Variants in NALF1 observed in about 807,000 individuals in gnomAD.
NALF1 encodes the protein NALCN channel auxiliary factor 1.
NALF1 carries 3 observed loss-of-function variants against 48.4 expected under a neutral mutation model. The ratio of observed to expected loss-of-function variants is 0.06; its 90% confidence interval spans 0.03 to 0.16. The LOEUF is 0.16. Among genes scored for constraint, NALF1 ranks in the 10% least tolerant of loss-of-function variants. The probability of loss-of-function intolerance (pLI) is 1.00; values close to 1 mark genes in which losing one functional copy is unlikely to be tolerated. For synonymous variants in NALF1, 262 were observed against 245.7 expected, an observed-to-expected ratio of 1.07 and a Z score of -0.62; for missense variants, 526 against 571.5, an observed-to-expected ratio of 0.92 and a Z score of 0.81.
At chr13:107,286,418 T>A (rs964268791) in intron 1 of NALF1, among the ~76,000 whole-genome samples, 1 of 151,934 alleles carries the variant, frequency 6.6e-6, no homozygotes, top group Non-Finnish European at 1.5e-5. Flanking sequence ...AGATCCTTTA[T>A]GCCAGGGAGT....
chr13:107,352,795 C>T (rs1037272921), intron 1 of NALF1, among the ~76,000 whole-genome samples: 3 of 152,106 alleles, frequency 2.0e-5, no homozygotes, highest in Admixed American at 1.3e-4. Flanking sequence ...GTCCCAGCCA[C>T]CCCAAATACA....
intron 1 of NALF1, among the ~76,000 whole-genome samples, chr13:107,622,756 T>C (rs1047904856): frequency 6.6e-6 from 1 of 152,334 alleles, no homozygotes; most frequent in Non-Finnish European, 1.5e-5. Context: ...TATTTATTTA[T>C]GTATTTATTT....
intron 1 of NALF1, among the ~76,000 whole-genome samples, chr13:107,733,656 C>T (rs1331977123): frequency 1.3e-5 from 2 of 152,038 alleles, no homozygotes; most frequent in Non-Finnish European, 2.9e-5. Context: ...CATTTCTAAT[C>T]TACATAATGA....
chr13:107,447,871 GCT>G (rs1220792996), intron 1 of NALF1, among the ~76,000 whole-genome samples: 4 of 152,084 alleles, frequency 2.6e-5, no homozygotes, highest in Non-Finnish European at 5.9e-5. Context: ...ATCACTGTGG[GCT>G]CTCTGCATTT....
chr13:107,517,489 G>T (rs932463304), intron 1 of NALF1, among the ~76,000 whole-genome samples: 1 of 151,912 alleles, frequency 6.6e-6, no homozygotes, highest in Admixed American at 6.6e-5. Flanking sequence ...AAAATTAGCC[G>T]GGCGTGGTGG....
intron 1 of NALF1, among the ~76,000 whole-genome samples, chr13:107,256,978 A>G (rs1880829206): frequency 6.6e-6 from 1 of 152,208 alleles, no homozygotes; most frequent in South Asian, 2.1e-4. Flanking sequence ...GAATTTATCA[A>G]GAAAAGAGGT....
At chr13:107,574,441 CT>C (rs1878078799) in intron 1 of NALF1, among the ~76,000 whole-genome samples, 1 of 152,190 alleles carries the variant, frequency 6.6e-6, no homozygotes, top group Non-Finnish European at 1.5e-5. Flanking sequence ...GAAGCTCTTT[CT>C]TGATGGCTGG....
chr13:107,420,404 G>A (rs1430431805), intron 1 of NALF1, among the ~76,000 whole-genome samples: 1 of 152,040 alleles, frequency 6.6e-6, no homozygotes, highest in Non-Finnish European at 1.5e-5. Flanking sequence ...TATGTTAATT[G>A]TATAAAGGAA....
chr13:107,241,861 G>A (rs1267513479), intron 1 of NALF1, among the ~76,000 whole-genome samples: 1 of 152,182 alleles, frequency 6.6e-6, no homozygotes, highest in Non-Finnish European at 1.5e-5. Flanking sequence ...AGTTAGCAGA[G>A]GGTTGGTGGA....
chr13:107,777,585 A>T (rs1877774129), intron 1 of NALF1, among the ~76,000 whole-genome samples: 1 of 152,122 alleles, frequency 6.6e-6, no homozygotes, highest in Admixed American at 6.5e-5. Flanking sequence ...TGCATTCGTC[A>T]TGTAAAGTGC....
intron 1 of NALF1, among the ~76,000 whole-genome samples, chr13:107,856,760 G>T (rs754475643): frequency 5.9e-5 from 9 of 152,080 alleles, no homozygotes; most frequent in Non-Finnish European, 1.2e-4. Flanking sequence ...AAAGGATGTT[G>T]GATGGAATGT....
At chr13:107,203,991 G>C (rs969457279) in intron 2 of NALF1, among the ~76,000 whole-genome samples, 13 of 136,792 alleles carry the variant, frequency 9.5e-5, no homozygotes, top group African/African-American at 3.3e-4. Flanking sequence ...TCACCCAGGT[G>C]AGCTGGAGGC....
intron 1 of NALF1, among the ~76,000 whole-genome samples, chr13:107,734,168 C>G (rs1453351586): frequency 6.6e-6 from 1 of 152,062 alleles, no homozygotes; most frequent in Admixed American, 6.6e-5. Flanking sequence ...ATCTTATGGG[C>G]ACACCACTGT....
chr13:107,301,839 G>A (rs1457363494), intron 1 of NALF1, among the ~76,000 whole-genome samples: 2 of 152,114 alleles, frequency 1.3e-5, no homozygotes, highest in African/African-American at 4.8e-5. Context: ...CATCCTGACA[G>A]CTGTGGTGGA....
chr13:107,748,945 T>C (rs1594242388), intron 1 of NALF1, among the ~76,000 whole-genome samples: 1 of 152,054 alleles, frequency 6.6e-6, no homozygotes, highest in South Asian at 2.1e-4. Flanking sequence ...ACATGAGGAA[T>C]GCTGAGAGGT....
chr13:107,784,184 C>T (rs1594264608), intron 1 of NALF1, among the ~76,000 whole-genome samples: 1 of 152,124 alleles, frequency 6.6e-6, no homozygotes, highest in African/African-American at 2.4e-5. Context: ...CACAAAGACA[C>T]GCAAAGAGTA....
chr13:107,597,245 T>G (rs1427248259), intron 1 of NALF1, among the ~76,000 whole-genome samples: 1 of 152,188 alleles, frequency 6.6e-6, no homozygotes, highest in Admixed American at 6.5e-5. Context: ...ACCTTAATGC[T>G]TTATGGCTTC....
chr13:107,614,001 AG>A (rs1475069969), intron 1 of NALF1, among the ~76,000 whole-genome samples: 3 of 152,164 alleles, frequency 2.0e-5, no homozygotes, highest in Non-Finnish European at 4.4e-5. Flanking sequence ...ATACTCAGAA[AG>A]GGTAAGTACT....
chr13:107,288,886 T>C (rs1375567561), intron 1 of NALF1, among the ~76,000 whole-genome samples: 1 of 152,192 alleles, frequency 6.6e-6, no homozygotes, highest in Non-Finnish European at 1.5e-5. Flanking sequence ...GCTAACACTC[T>C]CTCTTATTCC....
Sources: gnomAD v4.1 joint callset for allele counts (sites outside exome capture counted in the v4.1 genomes callset) on GRCh38, gnomAD v4.1.1 for gene constraint, MANE v1.5 for transcripts, NCBI Gene and HGNC (gene_info 2026-07-23, HGNC 2026-07-21) for gene names.